The following SLC24A2 variants were observed in gnomAD, a reference collection of about 807,000 sequenced individuals.
SLC24A2 encodes solute carrier family 24 member 2, also known as sodium/potassium/calcium exchanger 2.
A neutral mutation model predicts 62.0 loss-of-function variants in SLC24A2; 36 were observed. The ratio of observed to expected loss-of-function variants is 0.58; its 90% CI spans 0.44 to 0.77. SLC24A2 has a LOEUF of 0.77. Among genes scored for constraint, SLC24A2 ranks in the 30% least tolerant of loss-of-function variants. The pLI is 0.00. For missense variants in SLC24A2, 846 were observed against 817.9 expected, an observed-to-expected ratio of 1.03 and a Z score of -0.42; for synonymous variants, 358 against 294.0, an observed-to-expected ratio of 1.22 and a Z score of -2.23.
At chr9:20,077,631 A>G in the SLC24A2 span, among the ~76,000 whole-genome samples, 1 of 152,104 alleles carries the variant, frequency 6.6e-6, no homozygotes, top group Non-Finnish European at 1.5e-5. Flanking sequence ...AAGTGCCTCT[A>G]GGGTCTCATA....
At chr9:19,573,120 T>A (rs1434409695) in intron 7 of SLC24A2, among the ~76,000 whole-genome samples, 1 of 152,154 alleles carries the variant, frequency 6.6e-6, no homozygotes, top group Non-Finnish European at 1.5e-5. Flanking sequence ...CAACCTCACC[T>A]GGAGAAACAG....
the SLC24A2 span, among the ~76,000 whole-genome samples, chr9:20,214,747 A>G: frequency 1.3e-5 from 2 of 152,222 alleles, no homozygotes; most frequent in Non-Finnish European, 2.9e-5. Flanking sequence ...AATTCCAAGC[A>G]CTACAAGTAC....
chr9:20,152,738 C>T, the SLC24A2 span, among the ~76,000 whole-genome samples: 1 of 151,862 alleles, frequency 6.6e-6, no homozygotes. Flanking sequence ...TGGCTGTCCT[C>T]TGTCAGCTTT....
chr9:20,080,946 T>C, the SLC24A2 span, among the ~76,000 whole-genome samples: 2 of 152,094 alleles, frequency 1.3e-5, no homozygotes, highest in African/African-American at 4.8e-5. Context: ...TCACACCAGT[T>C]AGAATGGCAA....
the SLC24A2 span, among the ~76,000 whole-genome samples, chr9:20,205,233 G>T: frequency 2.0e-5 from 3 of 152,100 alleles, no homozygotes; most frequent in African/African-American, 4.8e-5. Context: ...CCCTATTGAA[G>T]CATGATGGGT....
At chr9:20,104,324 A>G in the SLC24A2 span, among the ~76,000 whole-genome samples, 9 of 152,358 alleles carry the variant, frequency 5.9e-5, no homozygotes, top group African/African-American at 1.9e-4. Flanking sequence ...GCAGGCCAAC[A>G]TTCACATTCA....
intron 5 of SLC24A2, among the ~76,000 whole-genome samples, chr9:19,582,423 AG>A (rs1426968037): frequency 6.6e-6 from 1 of 152,214 alleles, no homozygotes; most frequent in Non-Finnish European, 1.5e-5. Context: ...GAACATTCTA[AG>A]CATCTGCAAC....
At chr9:20,089,020 G>A in the SLC24A2 span, among the ~76,000 whole-genome samples, 1 of 152,174 alleles carries the variant, frequency 6.6e-6, no homozygotes, top group Admixed American at 6.5e-5. Flanking sequence ...GCTTCTCACT[G>A]GGTGGGTCCC....
At chr9:19,928,697 G>T in the SLC24A2 span, 1 of 152,158 alleles carries the variant, frequency 6.6e-6, no homozygotes, top group Non-Finnish European at 1.5e-5. Flanking sequence ...CCTTTTATAA[G>T]GTAGGCATTG....
chr9:19,734,311 AG>A (rs1224674792), intron 2 of SLC24A2, among the ~76,000 whole-genome samples: 3 of 152,190 alleles, frequency 2.0e-5, no homozygotes, highest in Admixed American at 2.0e-4. Context: ...GTTTGAAGTC[AG>A]GTAGCGTGAT....
At chr9:19,978,804 G>C in the SLC24A2 span, among the ~76,000 whole-genome samples, 1 of 151,946 alleles carries the variant, frequency 6.6e-6, no homozygotes, top group Non-Finnish European at 1.5e-5. Context: ...CTGGGTGGGA[G>C]GACAAGAAAG....
At chr9:19,865,030 A>G in the SLC24A2 span, among the ~76,000 whole-genome samples, 48 of 152,124 alleles carry the variant, frequency 3.2e-4, no homozygotes, top group African/African-American at 1.2e-3. Context: ...TAGCATGTCT[A>G]TATGCCAACT....
At chr9:20,056,035 A>T in the SLC24A2 span, among the ~76,000 whole-genome samples, 2 of 152,214 alleles carry the variant, frequency 1.3e-5, no homozygotes, top group Non-Finnish European at 2.9e-5. Context: ...TTACCATACA[A>T]ATTCTAATAA....
the SLC24A2 span, among the ~76,000 whole-genome samples, chr9:20,098,241 A>C: frequency 6.6e-6 from 1 of 152,222 alleles, no homozygotes; most frequent in Admixed American, 6.5e-5. Flanking sequence ...ATTCATAAAT[A>C]TTCATTGATA....
At chr9:20,169,969 T>C in the SLC24A2 span, among the ~76,000 whole-genome samples, 1 of 151,784 alleles carries the variant, frequency 6.6e-6, no homozygotes, top group Non-Finnish European at 1.5e-5. Context: ...TTCAATGAAA[T>C]AGACAGCATA....
chr9:19,636,305 T>TTTCCTTTCCTTTCCTTTCCC (rs1818321027), intron 2 of SLC24A2, among the ~76,000 whole-genome samples: 3 of 44,884 alleles, frequency 6.7e-5, no homozygotes, highest in African/African-American at 2.6e-4. Flanking sequence ...TTTTCTTTTC[T>TTTCCTTTCCTTTCCTTTCCC]TTTCTTTTCT....
rs550968669 is a variant in SLC24A2 at position 19,507,479 on chromosome 9, CTAT to C, written c.*8671_*8673del. The C allele has an allele frequency of 2.0e-5, 3 of 152,128 alleles. No individual in the cohort carries two copies. The South Asian group carries it at 6.2e-4, about 32-fold the overall frequency. The allele number at this position is 152,128 out of a possible 1,614,324, so 9.4% of individuals were successfully genotyped here. On this transcript the variant is annotated 3_prime_UTR_variant, in exon 11 of 11. Coordinates refer to ENST00000341998, the MANE Select transcript of SLC24A2 (RefSeq NM_020344.4). ...CTTCTTTGAGTCAATAATTTTATTA[CTAT>C]TATTTTTCACACTGAGGAGACTTAG... is the stretch of plus-strand genomic sequence containing the variant.
chr9:20,169,586 T>G, the SLC24A2 span, among the ~76,000 whole-genome samples: 1 of 151,862 alleles, frequency 6.6e-6, no homozygotes, highest in South Asian at 2.1e-4. Flanking sequence ...GAGATAACAA[T>G]CACTGTAGCT....
intron 2 of SLC24A2, among the ~76,000 whole-genome samples, chr9:19,765,512 C>T (rs750604692): frequency 6.6e-6 from 1 of 152,234 alleles, no homozygotes; most frequent in Admixed American, 6.5e-5. Context: ...AATCCCTCAG[C>T]GTTTGCTTGT....
Sources: allele counts gnomAD v4.1 joint callset (sites outside exome capture counted in the v4.1 genomes callset), GRCh38; gene constraint gnomAD v4.1.1; transcripts MANE v1.5; gene names NCBI Gene and HGNC (gene_info 2026-07-23, HGNC 2026-07-21).